The following TBC1D22A variants were observed in gnomAD, a reference collection of about 807,000 sequenced individuals.
TBC1D22A encodes TBC1 domain family member 22A, also known as putative GTPase activator.
TBC1D22A carries 38 observed loss-of-function variants against 60.2 expected under a neutral mutation model. The observed-to-expected ratio is 0.63, with a 90% CI of 0.49 to 0.83. The LOEUF (loss-of-function observed/expected upper bound fraction) is 0.83. Among genes scored for constraint, TBC1D22A ranks in the 40% least tolerant of loss-of-function variants. TBC1D22A has a pLI of 0.00. For synonymous variants in TBC1D22A, 302 were observed against 281.7 expected (o/e 1.07, Z -0.72); for missense variants, 628 against 701.0 (o/e 0.90, Z 1.18).
intron 10 of TBC1D22A, among the ~76,000 whole-genome samples, chr22:47,023,084 T>G (rs913543186): frequency 6.6e-6 from 1 of 152,230 alleles, no homozygotes; most frequent in Non-Finnish European, 1.5e-5. Flanking sequence ...GACTCGTTAG[T>G]TAGGCAGAGT....
At chr22:47,092,231 G>T (rs573386563) in intron 11 of TBC1D22A, among the ~76,000 whole-genome samples, 1 of 152,290 alleles carries the variant, frequency 6.6e-6, no homozygotes, top group African/African-American at 2.4e-5. Flanking sequence ...GGGGAAGCGA[G>T]TACCTAGAGG....
At chr22:46,879,264 G>A (rs545538389) in intron 5 of TBC1D22A, among the ~76,000 whole-genome samples, 4 of 152,152 alleles carry the variant, frequency 2.6e-5, no homozygotes, top group East Asian at 1.9e-4. Context: ...CAGCTCTGGC[G>A]CTCAGCTGCC....
At chr22:47,159,913 G>C (rs1174936336) in intron 12 of TBC1D22A, among the ~76,000 whole-genome samples, 1 of 43,106 alleles carries the variant, frequency 2.3e-5, no homozygotes, top group Non-Finnish European at 5.2e-5. Flanking sequence ...CCACACACAT[G>C]TGCCACATAC....
intron 12 of TBC1D22A, among the ~76,000 whole-genome samples, chr22:47,124,611 G>T (rs7289578): frequency 0.037 from 5,710 of 152,320 alleles, 345 homozygotes; most frequent in African/African-American, 0.13. Context: ...TGGGCACGGG[G>T]TGCTGCCCTC....
rs145138507 is a variant in TBC1D22A at position 46,941,108 on chromosome 22, T to TACACACAC, written c.1015+28952_1015+28959dup. On this transcript the variant is annotated intron_variant, in intron 8 of 12. Transcript: ENST00000337137. ...CAGCATGGGGACTGGGGCACTAGCA[T>TACACACAC]ACACACACACACACACACACACACA... Among the ~76,000 whole-genome samples the TACACACAC allele has an allele frequency of 7.7e-4, 60 of 77,452 alleles. 1 individual carries two copies. The highest frequency in any genetic ancestry group is 2.5e-3 in the African/African-American group (44 of 17,862). The allele number at this position is 77,452 out of a possible 152,430, so 50.8% of individuals were successfully genotyped here.
chr22:46,985,499 G>A (rs1475877528), intron 9 of TBC1D22A, among the ~76,000 whole-genome samples: 2 of 152,206 alleles, frequency 1.3e-5, no homozygotes, highest in Admixed American at 6.5e-5. Context: ...ATGAATCATT[G>A]AGCAGCAAGC....
intron 4 of TBC1D22A, among the ~76,000 whole-genome samples, chr22:46,846,572 C>T (rs1248975109): frequency 6.6e-6 from 1 of 152,198 alleles, no homozygotes; most frequent in Non-Finnish European, 1.5e-5. Context: ...CCATCTCTCA[C>T]ACTTAAAAAA....
chr22:46,836,688 C>A (rs1224350597), intron 4 of TBC1D22A, among the ~76,000 whole-genome samples: 1 of 151,844 alleles, frequency 6.6e-6, no homozygotes, highest in Non-Finnish European at 1.5e-5. Context: ...CAAAGAGTGA[C>A]TGAATAGATT....
chr22:46,940,771 T>C lies in TBC1D22A; in HGVS notation c.1015+28583T>C, dbSNP rs1280708001. On this transcript the variant is annotated intron_variant, in intron 8 of 12. Coordinates refer to ENST00000337137, the MANE Select transcript of TBC1D22A (RefSeq NM_014346.5). The stretch of plus-strand genomic sequence containing the variant: ...GGAGGCTGGGGCACTAGCACACATA[T>C]ATATGTACATATACAGTCCACCCTT... Among the ~76,000 whole-genome samples, 3 of 128,388 alleles carry C rather than the reference T, an allele frequency of 2.3e-5. 1 individual carries two copies. Among genetic ancestry groups the C allele is most frequent in the Non-Finnish European group, 5.1e-5 (3 of 58,712 alleles). The allele number at this position is 128,388 out of a possible 152,430, so 84.2% of individuals were successfully genotyped here.
intron 4 of TBC1D22A, among the ~76,000 whole-genome samples, chr22:46,866,020 T>C (rs974852249): frequency 1.3e-5 from 2 of 152,176 alleles, no homozygotes; most frequent in African/African-American, 4.8e-5. Context: ...CCGTTGAAGT[T>C]CTGTGCCGAA....
At chr22:47,099,702 C>T (rs2065332769) in intron 11 of TBC1D22A, among the ~76,000 whole-genome samples, 1 of 151,792 alleles carries the variant, frequency 6.6e-6, no homozygotes, top group African/African-American at 2.4e-5. Flanking sequence ...GCCTCAGCCT[C>T]CCAAAGTGCT....
chr22:46,961,290 A>G (rs984788036), intron 8 of TBC1D22A, among the ~76,000 whole-genome samples: 1 of 152,234 alleles, frequency 6.6e-6, no homozygotes, highest in Admixed American at 6.5e-5. Flanking sequence ...AATGATGTCA[A>G]GAATCATCCA....
At chr22:47,040,671 G>T (rs913896602) in intron 11 of TBC1D22A, among the ~76,000 whole-genome samples, 1 of 152,142 alleles carries the variant, frequency 6.6e-6, no homozygotes, top group East Asian at 1.9e-4. Context: ...TGACTTGATG[G>T]GGGGCCCTGT....
At chr22:46,869,100 T>C (rs1262302843) in intron 4 of TBC1D22A, among the ~76,000 whole-genome samples, 1 of 152,260 alleles carries the variant, frequency 6.6e-6, no homozygotes, top group African/African-American at 2.4e-5. Flanking sequence ...ACATTTCTGC[T>C]GACATTTCTT....
At chr22:47,120,654 C>G (rs1471425777) in intron 12 of TBC1D22A, among the ~76,000 whole-genome samples, 4 of 152,196 alleles carry the variant, frequency 2.6e-5, no homozygotes, top group Non-Finnish European at 5.9e-5. Context: ...GACCCCTGAA[C>G]CCAAGCAAGT....
intron 1 of TBC1D22A, among the ~76,000 whole-genome samples, chr22:46,778,495 C>T (rs1050400730): frequency 1.1e-4 from 16 of 151,994 alleles, no homozygotes; most frequent in African/African-American, 3.4e-4. Context: ...AACTAAGACA[C>T]AGACACACAC....
intron 4 of TBC1D22A, among the ~76,000 whole-genome samples, chr22:46,801,357 G>T (rs2084888360): frequency 6.6e-6 from 1 of 152,238 alleles, no homozygotes; most frequent in South Asian, 2.1e-4. Flanking sequence ...TGTTGGAGAA[G>T]CAAATCACTG....
At chr22:46,931,010 A>C (rs183855804) in intron 8 of TBC1D22A, among the ~76,000 whole-genome samples, 1 of 152,324 alleles carries the variant, frequency 6.6e-6, no homozygotes, top group Non-Finnish European at 1.5e-5. Context: ...AGAGAGGTTA[A>C]GTGGCTTGTA....
At chr22:46,774,718 G>A (rs62233781) in intron 1 of TBC1D22A, among the ~76,000 whole-genome samples, 2,212 of 152,336 alleles carry the variant, frequency 0.015, 25 homozygotes, top group South Asian at 0.023. Context: ...ATCCAAGGCA[G>A]AGCCCTTTCC....
Sources: allele counts gnomAD v4.1 joint callset (sites outside exome capture counted in the v4.1 genomes callset), GRCh38; gene constraint gnomAD v4.1.1; transcripts MANE v1.5; gene names NCBI Gene and HGNC (gene_info 2026-07-23, HGNC 2026-07-21).